Variants in ENG observed in about 807,000 individuals in gnomAD.
ENG encodes the protein endoglin.
In ENG, 17 loss-of-function variants were observed where a neutral mutation model predicts 71.0. That is an observed-to-expected ratio of 0.24 (90% CI 0.16 to 0.36). ENG has a LOEUF of 0.36. Ranked by LOEUF, ENG falls within the 10% of genes least tolerant of loss-of-function variation. The probability of loss-of-function intolerance (pLI) is 1.00; values close to 1 mark genes in which losing one functional copy is unlikely to be tolerated. For synonymous variants in ENG, 360 were observed against 366.9 expected (o/e 0.98, Z 0.21); for missense variants, 749 against 868.3 (o/e 0.86, Z 1.73).
Position 127,845,176 on chromosome 9 carries a change from C to T in ENG, c.68-1931G>A, listed in dbSNP as rs528668059. Among the ~76,000 whole-genome samples the T allele has an allele frequency of 2.3e-4, 35 of 152,298 alleles. 1 individual carries two copies. In the East Asian group the frequency reaches 5.6e-3, roughly 24 times the overall value. ...TGTTTTCTTGGAGATCAAAGATGGG[C>T]GCGGAGAGACTGGCTTCATGTCCAG... On this transcript the variant is annotated intron_variant, in intron 1 of 14. Coordinates refer to ENST00000373203, the MANE Select transcript of ENG (RefSeq NM_001114753.3).
intron 2 of ENG, among the ~76,000 whole-genome samples, chr9:127,835,315 C>T (rs573468423): frequency 2.4e-4 from 36 of 152,288 alleles, no homozygotes; most frequent in Non-Finnish European, 4.1e-4. Flanking sequence ...AAAAATATTA[C>T]GCTTTCTAGG....
chr9:127,816,736 G>C, intron 13 of ENG: 1 of 306,966 alleles, frequency 3.3e-6, no homozygotes, highest in South Asian at 3.2e-5. Context: ...TGGGCCTGGG[G>C]GGAACTGATG....
At position 127,854,432 on chromosome 9, in the gene ENG, G is replaced by T. The variant is rs1829099196; in HGVS notation, c.-77C>A. On this transcript the variant is annotated 5_prime_UTR_variant, in exon 1 of 15. Coordinates refer to ENST00000373203, the MANE Select transcript of ENG (RefSeq NM_001114753.3). ...GGGCTGCGGGCGGGCACCGGGGCCG[G>T]CGTGGGCTCGCACGGGGACCCGAGG... 3 of 1,478,454 alleles carry T rather than the reference G, an allele frequency of 2.0e-6. No homozygotes were observed. Among genetic ancestry groups the T allele is most frequent in the African/African-American group, 1.4e-5 (1 of 70,544 alleles). The allele number at this position is 1,478,454 out of a possible 1,614,324, so 91.6% of individuals were successfully genotyped here.
intron 7 of ENG, 151 bp downstream of exon 7, chr9:127,824,649 A>G: frequency 9.2e-7 from 1 of 1,082,698 alleles, no homozygotes; most frequent in East Asian, 2.6e-5. Context: ...ATGATTAGCT[A>G]CTCCCATTGT....
At chr9:127,823,093 G>A (rs530423345) in intron 8 of ENG, among the ~76,000 whole-genome samples, 4 of 151,984 alleles carry the variant, frequency 2.6e-5, no homozygotes, top group South Asian at 2.1e-4. Flanking sequence ...TGCCTGCCTC[G>A]GCCTCCAAAG....
At chr9:127,849,856 C>T (rs1370630355) in intron 1 of ENG, among the ~76,000 whole-genome samples, 1 of 152,214 alleles carries the variant, frequency 6.6e-6, no homozygotes, top group Admixed American at 6.5e-5. Context: ...CTGAGTTATA[C>T]GAGTACCTCA....
chr9:127,851,504 G>A (rs1258606889), intron 1 of ENG, among the ~76,000 whole-genome samples: 3 of 152,112 alleles, frequency 2.0e-5, no homozygotes, highest in South Asian at 2.1e-4. Flanking sequence ...GATTAGAGGC[G>A]TGAGCCACTG....
Position 127,843,501 on chromosome 9 carries a change from T to C in ENG, c.68-256A>G, listed in dbSNP as rs41505655. 0.015 allele frequency among the ~76,000 whole-genome samples: 2,222 copies of C among 151,982 alleles called. 69 individuals carry two copies. The highest frequency in any genetic ancestry group is 0.05 in the African/African-American group (2,058 of 41,398). ...ATGAATAGAAGGACACCCAGCTAAA[T>C]TTAAATTTCAGATAAACAATGAGTG... On this transcript the variant is annotated intron_variant, in intron 1 of 14. Coordinates refer to ENST00000373203, the MANE Select transcript of ENG (RefSeq NM_001114753.3).
chr9:127,820,719 C>T (rs911703201), intron 8 of ENG, among the ~76,000 whole-genome samples: 3 of 151,312 alleles, frequency 2.0e-5, no homozygotes, highest in African/African-American at 7.3e-5. Context: ...GTCCCAGCTA[C>T]TCGGGAGGCT....
At position 127,838,155 on chromosome 9, in the gene ENG, G is replaced by C. The variant is rs1194795480; in HGVS notation, c.219+4939C>G. Among the ~76,000 whole-genome samples the C allele has an allele frequency of 6.6e-6, 1 of 151,900 alleles. No individual in the cohort carries two copies. The highest frequency in any genetic ancestry group is 1.5e-5 in the Non-Finnish European group (1 of 67,950). On this transcript the variant is annotated intron_variant, in intron 2 of 14. Transcript: ENST00000373203. This position sits in a 1 kb window ranked among gnomAD's most constrained non-coding sequence, Gnocchi z 4.3. ...CTTCAGGTCTGGGGGAGCTCACATAGCCATGCAGTGCTCCCCTGGAGGATG... is the reference window on the plus strand; with the variant it reads ...CTTCAGGTCTGGGGGAGCTCACATACCCATGCAGTGCTCCCCTGGAGGATG...
chr9:127,815,802 G>A lies in ENG; in HGVS notation c.1857C>T (p.Ser619=). 1.9e-6 allele frequency: 3 copies of A among 1,546,782 alleles called. No individual in the cohort carries two copies. The highest frequency in any genetic ancestry group is 2.6e-6 in the Non-Finnish European group (3 of 1,146,766). The part of the protein sequence containing the change: ...ALWYIYSHTR[S]PSKREPVVAV... ...CCACCACGGGCTCCCGCTTGCTGGG[G>A]GAACCTGGGAGCGGGAGCGGGGGCA... is the stretch of plus-strand genomic sequence containing the variant. Residue 619 remains serine (S), a synonymous_variant, in exon 15 of 15, where the codon TCC becomes TCT. Coordinates refer to ENST00000373203, the MANE Select transcript of ENG (RefSeq NM_001114753.3).
chr9:127,820,095 AC>A, intron 8 of ENG, 58 bp from the exon 9 acceptor site: 3 of 1,590,950 alleles, frequency 1.9e-6, no homozygotes, highest in Non-Finnish European at 2.6e-6. Context: ...GGCCTGCCAC[AC>A]CCCAGCACCA....
chr9:127,820,815 C>T (rs1158506933), intron 8 of ENG, among the ~76,000 whole-genome samples: 5 of 150,206 alleles, frequency 3.3e-5, no homozygotes, highest in East Asian at 2.0e-4. Flanking sequence ...GGCAACAGAG[C>T]GAGACTCCGT....
chr9:127,835,697 TCA>T (rs761225645), intron 2 of ENG, among the ~76,000 whole-genome samples: 13 of 152,012 alleles, frequency 8.6e-5, no homozygotes, highest in Non-Finnish European at 1.5e-4. Flanking sequence ...CCTCTATGCC[TCA>T]GTTTCCTCAT....
chr9:127,825,118 G>T (rs989763298), intron 6 of ENG, 113 bp downstream of exon 6: 7 of 1,596,906 alleles, frequency 4.4e-6, no homozygotes, highest in Non-Finnish European at 6.0e-6. Flanking sequence ...TCACGTATGG[G>T]CATAGGTGAT....
At chr9:127,849,113 C>T (rs1588601187) in intron 1 of ENG, among the ~76,000 whole-genome samples, 1 of 152,174 alleles carries the variant, frequency 6.6e-6, no homozygotes, top group Non-Finnish European at 1.5e-5. Flanking sequence ...AAACTACTCA[C>T]CCCGCCACTC....
Position 127,846,571 on chromosome 9 carries a change from C to A in ENG, c.68-3326G>T, listed in dbSNP as rs2131925063. ...CCAGCGGGAGAGGCCACAAGCCTGGCCATTATGTAATGATCAGATAACAGG... is the reference window on the plus strand; with the variant it reads ...CCAGCGGGAGAGGCCACAAGCCTGGACATTATGTAATGATCAGATAACAGG... On this transcript the variant is annotated intron_variant, in intron 1 of 14. Transcript: ENST00000373203. The surrounding 1 kb of genome is among the most constrained non-coding windows in gnomAD (Gnocchi z 5.5). 6.6e-6 allele frequency among the ~76,000 whole-genome samples: 1 copy of A among 152,312 alleles called. No homozygotes were observed. Among genetic ancestry groups the A allele is most frequent in the East Asian group, 1.9e-4 (1 of 5,186 alleles).
chr9:127,829,864 C>G (rs745523908), intron 2 of ENG, 37 bp from the exon 3 acceptor site: 1 of 1,612,936 alleles, frequency 6.2e-7, no homozygotes. Flanking sequence ...ACAGTCCAGT[C>G]AGATTTGTAT....
intron 12 of ENG, 165 bp from the exon 13 acceptor site, chr9:127,817,368 T>G: frequency 1.4e-6 from 1 of 732,024 alleles, no homozygotes; most frequent in Non-Finnish European, 2.4e-6. Context: ...ATCTGTGCTG[T>G]GGGAGGGTGC....
Sources: gnomAD v4.1 joint callset for allele counts (sites outside exome capture counted in the v4.1 genomes callset) on GRCh38, gnomAD v4.1.1 for gene constraint, Gnocchi (gnomAD v3.1) non-coding constraint, MANE v1.5 for transcripts, NCBI Gene and HGNC (gene_info 2026-07-23, HGNC 2026-07-21) for gene names.